PPP2R3A: variants seen among roughly 807,000 people sequenced by gnomAD.
PPP2R3A encodes protein phosphatase 2 regulatory subunit B''alpha, also known as serine/threonine-protein phosphatase 2A regulatory subunit B'' subunit alpha.
Under a neutral mutation model 106.9 loss-of-function variants are expected in PPP2R3A, and 80 were observed. The observed-to-expected ratio is 0.75, with a 90% confidence interval of 0.62 to 0.90. The LOEUF (loss-of-function observed/expected upper bound fraction) is 0.90, where lower values mean the gene tolerates loss of function less well. Among genes scored for constraint, PPP2R3A ranks in the 40% least tolerant of loss-of-function variants. PPP2R3A has a pLI of 0.00. For synonymous variants in PPP2R3A, 483 were observed against 468.3 expected, an observed-to-expected ratio of 1.03 and a Z score of -0.41; for missense variants, 1,386 against 1,350.4, an observed-to-expected ratio of 1.03 and a Z score of -0.41.
At chr3:136,005,999 T>G (rs34522617) in intron 2 of PPP2R3A, among the ~76,000 whole-genome samples, 34,661 of 152,146 alleles carry the variant, frequency 0.23, 4,758 homozygotes, top group Non-Finnish European at 0.31. Context: ...ATGGACTGCA[T>G]AAAGTAGAAA....
At chr3:136,082,699 G>A (rs1936815435) in intron 8 of PPP2R3A, among the ~76,000 whole-genome samples, 2 of 152,052 alleles carry the variant, frequency 1.3e-5, no homozygotes, top group African/African-American at 4.8e-5. Flanking sequence ...ATTTTCTGAT[G>A]ATGAATTGAA....
At chr3:136,063,031 C>A (rs1008818793) in intron 5 of PPP2R3A, among the ~76,000 whole-genome samples, 1 of 152,108 alleles carries the variant, frequency 6.6e-6, no homozygotes, top group Non-Finnish European at 1.5e-5. Flanking sequence ...TACTACAAGG[C>A]TACAATAACC....
At chr3:135,979,306 G>A (rs1272222834) in intron 1 of PPP2R3A, among the ~76,000 whole-genome samples, 2 of 151,574 alleles carry the variant, frequency 1.3e-5, no homozygotes, top group Non-Finnish European at 2.9e-5. Flanking sequence ...TTGAACTCAG[G>A]AGGCGGAGGT....
chr3:136,098,787 C>G (rs1440546845), intron 10 of PPP2R3A, among the ~76,000 whole-genome samples: 1 of 152,094 alleles, frequency 6.6e-6, no homozygotes, highest in African/African-American at 2.4e-5. Flanking sequence ...TGCAGACATT[C>G]AGGATTTGGG....
chr3:135,975,601 G>A (rs921068345), intron 1 of PPP2R3A, among the ~76,000 whole-genome samples: 1 of 152,154 alleles, frequency 6.6e-6, no homozygotes, highest in Non-Finnish European at 1.5e-5. Context: ...GTGCTATGAA[G>A]AAAATAAAGT....
intron 13 of PPP2R3A, among the ~76,000 whole-genome samples, chr3:136,133,444 A>C (rs1308810513): frequency 1.3e-5 from 2 of 152,182 alleles, no homozygotes; most frequent in Non-Finnish European, 2.9e-5. Flanking sequence ...GAGATATACT[A>C]CACAGCCACT....
Position 136,125,764 on chromosome 3 carries a change from C to T in PPP2R3A, c.3330-19279C>T, listed in dbSNP as rs139340078. ...TTATAAAATATTAACATATCAAATC[C>T]AATGACATAAAAAAGATTATATACC... On this transcript the variant is annotated intron_variant, in intron 13 of 13. Coordinates refer to ENST00000264977, the MANE Select transcript of PPP2R3A (RefSeq NM_002718.5). Among the ~76,000 whole-genome samples the T allele has an allele frequency of 7.5e-3, 1,143 of 152,116 alleles. 18 individuals are homozygous for T. Among genetic ancestry groups the T allele is most frequent in the African/African-American group, 0.026 (1,079 of 41,474 alleles).
At chr3:136,067,808 T>C (rs1229704218) in intron 5 of PPP2R3A, among the ~76,000 whole-genome samples, 1 of 152,186 alleles carries the variant, frequency 6.6e-6, no homozygotes, top group African/African-American at 2.4e-5. Context: ...CATTTTCCAA[T>C]GAAAGGAGCC....
Position 136,055,469 on chromosome 3 carries a change from C to T in PPP2R3A, c.2469+6108C>T. On this transcript the variant is annotated intron_variant, in intron 5 of 13. Transcript: ENST00000264977. ...ACAAAGTGTAAATGTGAAGACACAG[C>T]TCTTTCTGGATACAGAGACCAGTTT... 5 of 1,133,746 alleles carry T rather than the reference C, an allele frequency of 4.4e-6. No individual in the cohort carries two copies. In the South Asian group the frequency reaches 6.2e-5, roughly 14 times the overall value. 70.2% of individuals were successfully genotyped at this position (1,133,746 alleles called of 1,614,324 possible).
intron 1 of PPP2R3A, among the ~76,000 whole-genome samples, chr3:135,975,037 T>C (rs2107750739): frequency 6.6e-6 from 1 of 152,300 alleles, no homozygotes; most frequent in Non-Finnish European, 1.5e-5. Flanking sequence ...TGCCAAGTCT[T>C]CCATCAAGCA....
At chr3:136,004,294 A>G (rs1485224772) in intron 2 of PPP2R3A, among the ~76,000 whole-genome samples, 1 of 152,226 alleles carries the variant, frequency 6.6e-6, no homozygotes, top group Non-Finnish European at 1.5e-5. Context: ...TGTTCGTTTT[A>G]TAAGTCCAAC....
intron 7 of PPP2R3A, among the ~76,000 whole-genome samples, chr3:136,080,469 A>G (rs1936748440): frequency 6.6e-6 from 1 of 152,198 alleles, no homozygotes; most frequent in African/African-American, 2.4e-5. Context: ...TTTCACTTAT[A>G]TACTCACCAA....
intron 5 of PPP2R3A, among the ~76,000 whole-genome samples, chr3:136,053,927 A>G (rs1168546037): frequency 6.6e-6 from 1 of 152,192 alleles, no homozygotes. Context: ...AACCAGGTAT[A>G]TGAGGAAAAT....
intron 12 of PPP2R3A, 38 bp from the exon 13 acceptor site, chr3:136,106,177 AT>A (rs775950824): frequency 8.4e-6 from 13 of 1,542,286 alleles, no homozygotes; most frequent in East Asian, 4.5e-5. Context: ...TTTGTCTTTG[AT>A]TTTTTTTATT....
chr3:136,120,584 G>T (rs1937957938), intron 13 of PPP2R3A, among the ~76,000 whole-genome samples: 1 of 151,700 alleles, frequency 6.6e-6, no homozygotes, highest in Admixed American at 6.6e-5. Flanking sequence ...TGAGACTCTT[G>T]TCTCAAAAAA....
intron 1 of PPP2R3A, among the ~76,000 whole-genome samples, chr3:135,975,592 T>C (rs182410816): frequency 3.0e-4 from 45 of 152,308 alleles, no homozygotes; most frequent in African/African-American, 1.1e-3. Flanking sequence ...GTAGTAATAG[T>C]GCTATGAAGA....
At chr3:136,025,166 A>G (rs1934604277) in intron 2 of PPP2R3A, among the ~76,000 whole-genome samples, 1 of 152,144 alleles carries the variant, frequency 6.6e-6, no homozygotes, top group African/African-American at 2.4e-5. Flanking sequence ...CCTTTTACCT[A>G]TATTACATCT....
intron 3 of PPP2R3A, among the ~76,000 whole-genome samples, chr3:136,034,764 C>T (rs1286555339): frequency 6.6e-6 from 1 of 152,072 alleles, no homozygotes; most frequent in Admixed American, 6.6e-5. Context: ...TAGTTTAAAT[C>T]CATTGTTTGT....
intron 4 of PPP2R3A, among the ~76,000 whole-genome samples, chr3:136,042,441 C>T (rs143559405): frequency 1.8e-4 from 28 of 152,252 alleles, no homozygotes; most frequent in Non-Finnish European, 3.7e-4. Flanking sequence ...CGCCACAGCA[C>T]GTGTTTATCT....
Sources: gnomAD v4.1 joint callset for allele counts (sites outside exome capture counted in the v4.1 genomes callset) on GRCh38, gnomAD v4.1.1 for gene constraint, MANE v1.5 for transcripts, NCBI Gene and HGNC (gene_info 2026-07-23, HGNC 2026-07-21) for gene names.